The following C2CD2 variants were observed in gnomAD, a reference collection of about 807,000 sequenced individuals.
The protein encoded by C2CD2 is C2 calcium dependent domain containing 2, also known as C2 domain-containing protein 2.
C2CD2 carries 43 observed loss-of-function variants against 74.3 expected under a neutral mutation model. The ratio of observed to expected loss-of-function variants is 0.58; its 90% confidence interval spans 0.45 to 0.75. C2CD2 has a LOEUF of 0.75. Among genes scored for constraint, C2CD2 ranks in the 30% least tolerant of loss-of-function variants. C2CD2 has a pLI of 0.00. For synonymous variants in C2CD2, 422 were observed against 390.7 expected, an observed-to-expected ratio of 1.08 and a Z score of -0.94; for missense variants, 801 against 916.3, an observed-to-expected ratio of 0.87 and a Z score of 1.63.
chr21:41,918,342 C>T (rs1365429696), intron 4 of C2CD2, 115 bp from the exon 5 acceptor site: 1 of 1,117,138 alleles, frequency 9.0e-7, no homozygotes, highest in African/African-American at 1.6e-5. Flanking sequence ...AAATTACCTT[C>T]AGATTTTAGC....
In C2CD2 at chr21:41,945,553, A is replaced by G. The variant is rs1335004064; in HGVS notation, c.280-3308T>C. Among the ~76,000 whole-genome samples the G allele has an allele frequency of 2.0e-5, 3 of 152,146 alleles. No homozygotes were observed. Among genetic ancestry groups the G allele is most frequent in the African/African-American group, 7.2e-5 (3 of 41,428 alleles). ...GAAGAACACAAGAGGCTACTCTCAA[A>G]GGAGCACCCTGATGGCCCAAAGGAG... is the stretch of plus-strand genomic sequence containing the variant. On this transcript the variant is annotated intron_variant, in intron 1 of 13. Coordinates refer to ENST00000380486, the MANE Select transcript of C2CD2 (RefSeq NM_015500.2). This position sits in a 1 kb window ranked among gnomAD's most constrained non-coding sequence, Gnocchi z 4.2.
intron 2 of C2CD2, among the ~76,000 whole-genome samples, chr21:41,927,979 A>C (rs1408654854): frequency 6.6e-6 from 1 of 152,216 alleles, no homozygotes; most frequent in Non-Finnish European, 1.5e-5. Context: ...AAAGCCTTTC[A>C]GTAATGCTGC....
At chr21:41,910,558 T>G (rs1375812844) in intron 7 of C2CD2, among the ~76,000 whole-genome samples, 1 of 152,162 alleles carries the variant, frequency 6.6e-6, no homozygotes, top group Non-Finnish European at 1.5e-5. Flanking sequence ...TTTGCATGAC[T>G]TTACTTATTT....
In C2CD2 at chr21:41,914,003, G is replaced by A. The variant is rs569191886; in HGVS notation, c.844+595C>T. On this transcript the variant is annotated intron_variant, in intron 6 of 13. Transcript: ENST00000380486. The stretch of plus-strand genomic sequence containing the variant: ...AGCACTTTGGGAGGCTGAGGCGGGC[G>A]GATCACCTGAGGTAGGGAGTTCAAG... Among the ~76,000 whole-genome samples, 18 of 152,258 alleles carry A rather than the reference G, an allele frequency of 1.2e-4. No homozygotes were observed. In the East Asian group the frequency reaches 1.7e-3, roughly 15 times the overall value.
At chr21:41,918,748 G>A (rs1246093256) in intron 4 of C2CD2, 108 bp downstream of exon 4, 1 of 841,240 alleles carries the variant, frequency 1.2e-6, no homozygotes, top group Non-Finnish European at 1.9e-6. Flanking sequence ...CTGGGACAGG[G>A]AAGGAGGCCA....
In C2CD2 at chr21:41,898,897, T is replaced by C. The variant is rs114230121; in HGVS notation, c.1870+156A>G. On this transcript the variant is annotated intron_variant, in intron 13 of 13. Coordinates refer to ENST00000380486, the MANE Select transcript of C2CD2 (RefSeq NM_015500.2). The stretch of plus-strand genomic sequence containing the variant: ...AGATGCCCCACCACGGGTTCAAACA[T>C]TCAGCACAGGGCATTTCTGGAGGGG... 6.8e-3 allele frequency among the ~76,000 whole-genome samples: 1,031 copies of C among 152,196 alleles called. 18 individuals are homozygous for C. Among genetic ancestry groups the C allele is most frequent in the African/African-American group, 0.023 (935 of 41,512 alleles).
At position 41,899,133 on chromosome 21, in the gene C2CD2, A is replaced by G; in HGVS notation, c.1790T>C (p.Val597Ala). Residue 597 changes from valine to alanine, a missense_variant, in exon 13 of 14, where the codon GTC becomes GCC. Transcript: ENST00000380486. The surrounding 1 kb of genome is among the most constrained non-coding windows in gnomAD (Gnocchi z 4.4). ...CTCATCACCGTCGGGGTCCAGCAGG[A>G]CCTGGCTGCTCCATGCCGCGGCCTG... ...EPQAAAWSSQ[V>A]LLDPDGDELS... is the part of the protein sequence containing the mutation. 6.2e-7 allele frequency: 1 copy of G among 1,613,900 alleles called. No homozygotes were observed. Among genetic ancestry groups the G allele is most frequent in the Non-Finnish European group, 8.5e-7 (1 of 1,179,958 alleles).
rs189242305 is a variant in C2CD2, at chr21:41,942,913, A to G, written c.280-668T>C. 2.5e-3 allele frequency: 2,419 copies of G among 974,708 alleles called. 8 individuals carry two copies. Among genetic ancestry groups the G allele is most frequent in the Non-Finnish European group, 2.7e-3 (2,233 of 820,258 alleles). The allele number at this position is 974,708 out of a possible 1,614,324, so 60.4% of individuals were successfully genotyped here. On this transcript the variant is annotated intron_variant, in intron 1 of 13. Transcript: ENST00000380486. ...CAGCCCTCTGGAGCCACCTGGCCCCAAGGTTCACCTGTGCCCGTGGCTCTG... is the reference window on the plus strand; with the variant it reads ...CAGCCCTCTGGAGCCACCTGGCCCCGAGGTTCACCTGTGCCCGTGGCTCTG...
Position 41,901,708 on chromosome 21 carries a change from C to T in C2CD2, c.1474G>A (p.Ala492Thr), listed in dbSNP as rs1601555175. 2 of 1,613,704 alleles carry T rather than the reference C, an allele frequency of 1.2e-6. No individual in the cohort carries two copies. The highest frequency in any genetic ancestry group is 2.2e-5 in the East Asian group (1 of 44,892). ...LNGSDPVAEV[A>T]IRQLSESSKL... The stretch of plus-strand genomic sequence containing the variant: ...GAAGATTCACTGAGCTGTCGAATGG[C>T]CACTTCAGCCACTGGATCCGAACCA... The change falls in exon 12 of 14, where the codon GCC (alanine) becomes ACC (threonine). Residue 492 changes from alanine to threonine, a missense_variant. Transcript: ENST00000380486.
intron 5 of C2CD2, among the ~76,000 whole-genome samples, chr21:41,915,308 T>C (rs9798626): frequency 0.026 from 3,918 of 152,110 alleles, 110 homozygotes; most frequent in South Asian, 0.11. Context: ...CATCCTCCAA[T>C]AGACACCACA....
intron 2 of C2CD2, among the ~76,000 whole-genome samples, chr21:41,940,964 G>C (rs1164466150): frequency 6.6e-6 from 1 of 151,830 alleles, no homozygotes; most frequent in Non-Finnish European, 1.5e-5. Flanking sequence ...AAAATTCAGA[G>C]CCCAAGAGTA....
chr21:41,901,972 C>T (rs1174867359), intron 11 of C2CD2, among the ~76,000 whole-genome samples: 1 of 152,168 alleles, frequency 6.6e-6, no homozygotes, highest in Non-Finnish European at 1.5e-5. Context: ...AATAAATGAG[C>T]ATGGCTGGGT....
At chr21:41,940,327 C>G (rs1003987745) in intron 2 of C2CD2, among the ~76,000 whole-genome samples, 29 of 152,124 alleles carry the variant, frequency 1.9e-4, no homozygotes, top group African/African-American at 7.0e-4. Flanking sequence ...GGAGAAGTCT[C>G]AAAATTACGG....
chr21:41,947,137 T>TCTCTCTCTCTCTCTCTCTCTCCCC (rs778013814), intron 1 of C2CD2, among the ~76,000 whole-genome samples: 4 of 25,694 alleles, frequency 1.6e-4, no homozygotes, highest in Admixed American at 9.0e-4. Flanking sequence ...TCTCTCTCTC[T>TCTCTCTCTCTCTCTCTCTCTCCCC]CTCCCTCCCT....
chr21:41,937,389 T>A (rs2065318105), intron 2 of C2CD2, among the ~76,000 whole-genome samples: 1 of 152,232 alleles, frequency 6.6e-6, no homozygotes, highest in African/African-American at 2.4e-5. Context: ...AGTGCTGGGA[T>A]TACAGGCATA....
chr21:41,901,831 C>A lies in C2CD2; in HGVS notation c.1433-82G>T. 2.4e-6 allele frequency: 3 copies of A among 1,247,356 alleles called. No homozygotes were observed. The South Asian group carries it at 3.7e-5, about 15-fold the overall frequency. The allele number at this position is 1,247,356 out of a possible 1,614,324, so 77.3% of individuals were successfully genotyped here. A position where few individuals can be genotyped will look rare whatever the true frequency, so the allele number is the denominator to read the frequency against. On this transcript the variant is annotated intron_variant, in intron 11 of 13. Coordinates refer to ENST00000380486, the MANE Select transcript of C2CD2 (RefSeq NM_015500.2). ...AACTTCCAGGGATAATGGAAATGGT[C>A]GATAAGCAATGGTTAGCAGATATTT...
At chr21:41,950,283 C>T (rs1240256878) in intron 1 of C2CD2, among the ~76,000 whole-genome samples, 1 of 152,212 alleles carries the variant, frequency 6.6e-6, no homozygotes, top group Non-Finnish European at 1.5e-5. Flanking sequence ...GGGGCAGGCA[C>T]GTGTGTCACT....
At position 41,931,274 on chromosome 21, in the gene C2CD2, C is replaced by A. The variant is rs1023578004; in HGVS notation, c.379-9189G>T. Among the ~76,000 whole-genome samples, 17 of 150,266 alleles carry A rather than the reference C, an allele frequency of 1.1e-4. 1 individual carries two copies. The highest frequency in any genetic ancestry group is 3.9e-4 in the African/African-American group (16 of 41,326). ...AGCAGATACCCTGCAAGGCAGGCAC[C>A]CAGGAGAATTCCCTTAGGAAAATGC... is the stretch of plus-strand genomic sequence containing the variant. On this transcript the variant is annotated intron_variant, in intron 2 of 13. Coordinates refer to ENST00000380486, the MANE Select transcript of C2CD2 (RefSeq NM_015500.2).
chr21:41,899,151 G>T lies in C2CD2; in HGVS notation c.1772C>A (p.Ala591Glu), dbSNP rs372034585. Residue 591 changes from alanine (A) to glutamate (E), a missense_variant, in exon 13 of 14, where the codon GCG becomes GAG. Transcript: ENST00000380486. The surrounding 1 kb of genome is among the most constrained non-coding windows in gnomAD (Gnocchi z 4.4). ...CAGCAGGACCTGGCTGCTCCATGCCGCGGCCTGTGGCTCCTTCTCCAAGTC... is the reference window on the plus strand; with the variant it reads ...CAGCAGGACCTGGCTGCTCCATGCCTCGGCCTGTGGCTCCTTCTCCAAGTC... ...SWDLEKEPQA[A>E]AWSSQVLLDP... 41 of 1,613,354 alleles carry T rather than the reference G, an allele frequency of 2.5e-5. No individual in the cohort carries two copies. Among genetic ancestry groups the T allele is most frequent in the Non-Finnish European group, 3.1e-5 (36 of 1,179,824 alleles).
Sources: gnomAD v4.1 joint callset for allele counts (sites outside exome capture counted in the v4.1 genomes callset) on GRCh38, gnomAD v4.1.1 for gene constraint, Gnocchi (gnomAD v3.1) non-coding constraint, MANE v1.5 for transcripts, NCBI Gene and HGNC (gene_info 2026-07-23, HGNC 2026-07-21) for gene names.